SLC66A1: variants seen among roughly 807,000 people sequenced by gnomAD.
The protein encoded by SLC66A1 is lysosomal amino acid transporter 1 homolog.
Under a neutral mutation model 33.0 loss-of-function variants are expected in SLC66A1, and 23 were observed. The observed-to-expected ratio is 0.70, with a 90% CI of 0.50 to 0.99. The LOEUF is 0.99. SLC66A1 is among the 50% of genes least tolerant of loss of function. The pLI, the probability that SLC66A1 is intolerant of heterozygous loss-of-function variation, is 0.00. For synonymous variants in SLC66A1, 164 were observed against 175.5 expected (o/e 0.93, Z 0.52); for missense variants, 335 against 383.6 (o/e 0.87, Z 1.06).
intron 2 of SLC66A1, among the ~76,000 whole-genome samples, chr1:19,318,861 A>G (rs12146076): frequency 0.3 from 46,242 of 151,984 alleles, 7,200 homozygotes; most frequent in Middle Eastern, 0.36. Context: ...GCTAAAAGCC[A>G]AGGATAGGAC....
At chr1:19,314,835 G>A (rs1472800313) in intron 1 of SLC66A1, among the ~76,000 whole-genome samples, 1 of 152,204 alleles carries the variant, frequency 6.6e-6, no homozygotes, top group East Asian at 1.9e-4. Flanking sequence ...GAGAACATGA[G>A]GACTTGATTT....
downstream of SLC66A1, among the ~76,000 whole-genome samples, chr1:19,330,874 C>A (rs1018398771): frequency 7.9e-5 from 12 of 152,194 alleles, no homozygotes; most frequent in Admixed American, 7.9e-4. Flanking sequence ...CCTGCCCTGT[C>A]CCCCTAGGGG....
At chr1:19,317,486 T>C in intron 1 of SLC66A1, 114 bp from the exon 2 acceptor site, 1 of 1,316,510 alleles carries the variant, frequency 7.6e-7, no homozygotes. Flanking sequence ...TTTGCCCTTC[T>C]CTGGCTCAGG....
intron 1 of SLC66A1, 73 bp from the exon 2 acceptor site, chr1:19,317,527 G>T (rs2093812194): frequency 1.4e-6 from 2 of 1,437,624 alleles, no homozygotes; most frequent in African/African-American, 1.4e-5. Context: ...GCTGGGATGA[G>T]CTTAGTTTGG....
chr1:19,324,837 A>G (rs947706689), intron 3 of SLC66A1, 75 bp downstream of exon 3: 4 of 1,556,556 alleles, frequency 2.6e-6, no homozygotes, highest in Admixed American at 1.8e-5. Flanking sequence ...AGGAGATGCC[A>G]GGCTCTTTGG....
At chr1:19,315,684 G>A (rs1330500013) in intron 1 of SLC66A1, among the ~76,000 whole-genome samples, 2 of 152,214 alleles carry the variant, frequency 1.3e-5, no homozygotes, top group Non-Finnish European at 2.9e-5. Context: ...TTCTGGCTGT[G>A]CAGTCATGCC....
chr1:19,320,623 G>C (rs1008952815), intron 2 of SLC66A1, among the ~76,000 whole-genome samples: 18 of 151,660 alleles, frequency 1.2e-4, no homozygotes, highest in Non-Finnish European at 2.4e-4. Context: ...CACCGTGTTA[G>C]CCAGGATGGT....
intron 2 of SLC66A1, among the ~76,000 whole-genome samples, chr1:19,319,231 T>C (rs2093821140): frequency 1.3e-5 from 2 of 152,248 alleles, no homozygotes; most frequent in Non-Finnish European, 2.9e-5. Flanking sequence ...CAACTAATTT[T>C]AGGACATTTT....
At chr1:19,319,037 T>G (rs572259633) in intron 2 of SLC66A1, among the ~76,000 whole-genome samples, 1 of 152,328 alleles carries the variant, frequency 6.6e-6, no homozygotes, top group Admixed American at 6.5e-5. Flanking sequence ...CCCTGTGGCC[T>G]AAGCGGCATG....
intron 2 of SLC66A1, among the ~76,000 whole-genome samples, chr1:19,320,625 C>T (rs551748218): frequency 6.6e-6 from 1 of 151,858 alleles, no homozygotes; most frequent in Admixed American, 6.6e-5. Context: ...CCGTGTTAGC[C>T]AGGATGGTCT....
intron 2 of SLC66A1, among the ~76,000 whole-genome samples, chr1:19,320,755 C>T (rs2093832678): frequency 6.7e-6 from 1 of 149,492 alleles, no homozygotes; most frequent in African/African-American, 2.6e-5. Flanking sequence ...CTCTGTTGCC[C>T]AGGCTGGAGT....
At chr1:19,320,505 C>G (rs531366911) in intron 2 of SLC66A1, among the ~76,000 whole-genome samples, 1 of 147,824 alleles carries the variant, frequency 6.8e-6, no homozygotes, top group Admixed American at 6.9e-5. Context: ...GCTCTGCCTT[C>G]CGGGTTCACG....
At chr1:19,312,962 C>G (rs946949250) in intron 1 of SLC66A1, 73 bp downstream of exon 1, 3 of 152,856 alleles carry the variant, frequency 2.0e-5, no homozygotes, top group African/African-American at 4.8e-5. Context: ...GGTCACAGGT[C>G]ATGTCTAATC....
chr1:19,323,871 TGAG>T (rs1315823223), intron 2 of SLC66A1, among the ~76,000 whole-genome samples: 1 of 152,098 alleles, frequency 6.6e-6, no homozygotes, highest in Non-Finnish European at 1.5e-5. Flanking sequence ...CCAGGCCCAG[TGAG>T]GAGGTCATCG....
chr1:19,327,188 C>T (rs755255980), intron 6 of SLC66A1, 39 bp from the exon 7 acceptor site: 1 of 1,545,628 alleles, frequency 6.5e-7, no homozygotes, highest in South Asian at 1.1e-5. Flanking sequence ...TGACAAGAGG[C>T]CTGTTCGAGG....
Position 19,325,476 on chromosome 1 carries a change from C to T in SLC66A1, c.295-19C>T, listed in dbSNP as rs1239560210. The T allele has an allele frequency of 2.6e-6, 4 of 1,560,000 alleles. No homozygotes were observed. Among genetic ancestry groups the T allele is most frequent in the East Asian group, 4.5e-5 (2 of 44,558 alleles). Reference sequence around the variant, plus strand: ...TCCTGGGACTGCGCCAACCCCTGGGCCCCCTGCATCTCTTACAGACCTACA... The same window carrying T: ...TCCTGGGACTGCGCCAACCCCTGGGTCCCCTGCATCTCTTACAGACCTACA... On this transcript the variant is annotated intron_variant, in intron 3 of 7. Transcript: ENST00000375153.
At chr1:19,313,565 A>G (rs948056881) in intron 1 of SLC66A1, among the ~76,000 whole-genome samples, 2 of 151,750 alleles carry the variant, frequency 1.3e-5, no homozygotes, top group Admixed American at 6.6e-5. Context: ...GCCAGCTCTC[A>G]TGGGGCATCT....
intron 2 of SLC66A1, among the ~76,000 whole-genome samples, chr1:19,318,690 G>A (rs1441464547): frequency 6.6e-6 from 1 of 151,954 alleles, no homozygotes; most frequent in Non-Finnish European, 1.5e-5. Flanking sequence ...GCTCACGCCT[G>A]TAATCCCAGC....
rs758915063 is a variant in SLC66A1, at chr1:19,327,413, G to A, written c.804+1G>A. On this transcript the variant is annotated splice_donor_variant, in intron 7 of 7. Coordinates refer to ENST00000375153, the MANE Select transcript of SLC66A1 (RefSeq NM_001040125.2). LOFTEE classifies it high-confidence loss of function. ...GGGCGTGCTGCTGCTCGACACCATCGTATCCTTCAGGGCGTGTGGGGCAGG... is the reference window on the plus strand; with the variant it reads ...GGGCGTGCTGCTGCTCGACACCATCATATCCTTCAGGGCGTGTGGGGCAGG... 1.0e-5 allele frequency: 16 copies of A among 1,586,244 alleles called. No homozygotes were observed. The highest frequency in any genetic ancestry group is 1.3e-5 in the Non-Finnish European group (15 of 1,165,808).
Sources: gnomAD v4.1 joint callset for allele counts (sites outside exome capture counted in the v4.1 genomes callset) on GRCh38, gnomAD v4.1.1 for gene constraint, MANE v1.5 for transcripts, NCBI Gene and HGNC (gene_info 2026-07-23, HGNC 2026-07-21) for gene names.